GSTZ1: variants seen among roughly 807,000 people sequenced by gnomAD.
GSTZ1 encodes glutathione S-transferase zeta 1.
Under a neutral mutation model 35.9 loss-of-function variants are expected in GSTZ1, and 34 were observed. The ratio of observed to expected loss-of-function variants is 0.95; its 90% CI spans 0.72 to 1.26. The LOEUF (loss-of-function observed/expected upper bound fraction) is 1.26, where lower values mean the gene tolerates loss of function less well. Among genes scored for constraint, GSTZ1 ranks in the 50% most tolerant of loss-of-function variants. GSTZ1 has a pLI of 0.00. For synonymous variants in GSTZ1, 93 were observed against 101.2 expected (o/e 0.92, Z 0.49); for missense variants, 263 against 271.7 (o/e 0.97, Z 0.23).
chr14:77,324,639 C>T, intron 1 of GSTZ1: 2 of 1,518,796 alleles, frequency 1.3e-6, no homozygotes, highest in Non-Finnish European at 8.8e-7. Flanking sequence ...AAGGCACTCT[C>T]AGGCTAGCTG....
At chr14:77,324,152 CTTTT>C (rs11287763) in intron 1 of GSTZ1, 37 of 117,918 alleles carry the variant, frequency 3.1e-4, no homozygotes, top group East Asian at 7.0e-4. Flanking sequence ...AAAAAAATGC[CTTTT>C]TTTTTTTTTT....
chr14:77,328,071 C>A, intron 5 of GSTZ1, 34 bp downstream of exon 5: 1 of 1,610,262 alleles, frequency 6.2e-7, no homozygotes, highest in Non-Finnish European at 8.5e-7. Context: ...CCTTGCACAC[C>A]TGACACACTC....
chr14:77,321,147 A>AG lies in GSTZ1; in HGVS notation c.-17dup, dbSNP rs768718016. ...GGCGCGAAGTTTCTCGGCCTGGAGG[A>AG]GGGGGTCGCGCGAAGTGCCAGATGC... On this transcript the variant is annotated 5_prime_UTR_variant, in exon 1 of 9. Transcript: ENST00000216465. 6.9e-6 allele frequency: 10 copies of AG among 1,452,996 alleles called. No individual in the cohort carries two copies. In the South Asian group the frequency reaches 1.1e-4, roughly 17 times the overall value. 90.0% of individuals were successfully genotyped at this position (1,452,996 alleles called of 1,614,324 possible).
intron 5 of GSTZ1, chr14:77,328,451 T>A (rs960498870): frequency 3.5e-5 from 7 of 197,612 alleles, no homozygotes; most frequent in African/African-American, 1.6e-4. Flanking sequence ...CAACTAAGTA[T>A]TAAAAACAGT....
intron 8 of GSTZ1, 144 bp from the exon 9 acceptor site, chr14:77,330,923 CCT>C: frequency 1.5e-6 from 1 of 686,576 alleles, no homozygotes; most frequent in East Asian, 2.5e-5. Flanking sequence ...CTACCCATCC[CCT>C]GTGAATAAGG....
intron 2 of GSTZ1, chr14:77,326,483 G>A (rs535011773): frequency 9.5e-6 from 2 of 210,276 alleles, no homozygotes; most frequent in South Asian, 1.1e-4. Flanking sequence ...AGGCCCTGGG[G>A]GGGCAGAGTT....
chr14:77,330,390 C>T (rs755958371), intron 8 of GSTZ1, 31 bp downstream of exon 8: 10 of 1,568,004 alleles, frequency 6.4e-6, no homozygotes, highest in African/African-American at 4.1e-5. Context: ...CCTCCCTTCT[C>T]GTGGCTCTGC....
At position 77,331,149 on chromosome 14, in the gene GSTZ1, C is replaced by G. The variant is rs1892609207; in HGVS notation, c.605C>G (p.Ser202Cys). ...RLLVLEAFQV[S>C]HPCRQPDTPT... is the part of the protein sequence containing the mutation. ...CTGGTCTTGGAGGCCTTCCAGGTGTCTCACCCCTGCCGGCAGCCAGATACA... is the reference window on the plus strand; with the variant it reads ...CTGGTCTTGGAGGCCTTCCAGGTGTGTCACCCCTGCCGGCAGCCAGATACA... The change falls in exon 9 of 9, where the codon TCT (serine) becomes TGT (cysteine). Residue 202 changes from serine to cysteine, a missense_variant. Ser to Cys is a moderately radical substitution (Grantham distance 112). Coordinates refer to ENST00000216465, the MANE Select transcript of GSTZ1 (RefSeq NM_145870.3). 6.2e-7 allele frequency: 1 copy of G among 1,614,144 alleles called. No homozygotes were observed. Among genetic ancestry groups the G allele is most frequent in the Non-Finnish European group, 8.5e-7 (1 of 1,179,994 alleles).
intron 1 of GSTZ1, 121 bp downstream of exon 1, chr14:77,321,304 T>G (rs1443346081): frequency 6.5e-7 from 1 of 1,529,002 alleles, no homozygotes; most frequent in Admixed American, 2.0e-5. Flanking sequence ...CATGCAGTGC[T>G]TTGCGCCGGG....
chr14:77,328,553 G>C (rs1476021889), intron 5 of GSTZ1: 1 of 172,078 alleles, frequency 5.8e-6, no homozygotes, highest in East Asian at 1.7e-4. Context: ...AACAAAGTGG[G>C]GACTAAGTCA....
Position 77,330,350 on chromosome 14 carries a change from A to G in GSTZ1, c.515A>G (p.Asn172Ser). Reference protein sequence around the residue: ...ADLCLVPQVANAERFKVDLTP... With the variant: ...ADLCLVPQVASAERFKVDLTP... ...CTGTGCTTGGTGCCTCAGGTGGCAA[A>G]TGCTGAAAGGTAAGAGAGAGCCCCG... is the stretch of plus-strand genomic sequence containing the variant. Residue 172 changes from asparagine to serine, a missense_variant, in exon 8 of 9, where the codon AAT (asparagine) becomes AGT (serine). By Grantham distance (46) the Asn-to-Ser change is conservative (BLOSUM62 1). Transcript: ENST00000216465. 6.2e-7 allele frequency: 1 copy of G among 1,613,352 alleles called. No individual in the cohort carries two copies. The highest frequency in any genetic ancestry group is 1.7e-4 in the Middle Eastern group (1 of 6,060).
chr14:77,321,309 G>T (rs749376625), intron 1 of GSTZ1, 126 bp downstream of exon 1: 1 of 1,528,568 alleles, frequency 6.5e-7, no homozygotes, highest in Admixed American at 2.0e-5. Flanking sequence ...AGTGCTTTGC[G>T]CCGGGCACGC....
At chr14:77,322,317 G>A (rs1276515134) in intron 1 of GSTZ1, among the ~76,000 whole-genome samples, 2 of 152,228 alleles carry the variant, frequency 1.3e-5, no homozygotes, top group Non-Finnish European at 2.9e-5. Context: ...TTCTACAAGT[G>A]CAGAAAGGAA....
chr14:77,327,319 TC>T, intron 3 of GSTZ1, 152 bp from the exon 4 acceptor site: 1 of 635,656 alleles, frequency 1.6e-6, no homozygotes, highest in Non-Finnish European at 2.9e-6. Flanking sequence ...ACTGCATGGA[TC>T]CCCCAGGGAT....
chr14:77,325,300 G>T, intron 2 of GSTZ1: 1 of 259,626 alleles, frequency 3.9e-6, no homozygotes, highest in East Asian at 9.0e-5. Context: ...AACAGAACGG[G>T]CCAGCATCAG....
intron 1 of GSTZ1, among the ~76,000 whole-genome samples, chr14:77,322,289 C>T (rs1042488554): frequency 4.6e-5 from 7 of 152,116 alleles, no homozygotes; most frequent in Non-Finnish European, 8.8e-5. Context: ...GAGATGGATA[C>T]TTGGGCTTAA....
rs1419597785 is a variant in GSTZ1, at chr14:77,327,924, G to A, written c.229G>A (p.Glu77Lys). Reference protein sequence around the residue: ...ITIHQSLAIIEYLEEMRPTPR... With the variant: ...ITIHQSLAIIKYLEEMRPTPR... ...CCCCTCTGGACAGCTGGCCATCATT[G>A]AGTATCTAGAGGAGATGCGTCCCAC... is the stretch of plus-strand genomic sequence containing the variant. The change falls in exon 5 of 9, where the codon GAG becomes AAG. Residue 77 changes from glutamate to lysine, a missense_variant. Transcript: ENST00000216465. The A allele has an allele frequency of 1.9e-6, 3 of 1,613,856 alleles. No individual in the cohort carries two copies. The highest frequency in any genetic ancestry group is 2.2e-5 in the East Asian group (1 of 44,876).
In GSTZ1 at chr14:77,331,225, C is replaced by G. The variant is rs545108364; in HGVS notation, c.*30C>G. ...CAAATCCTGCCCCGTTGGCACAGGG[C>G]CACAGGAGCAGAAGCTGGGTGGGCT... On this transcript the variant is annotated 3_prime_UTR_variant, in exon 9 of 9. Coordinates refer to ENST00000216465, the MANE Select transcript of GSTZ1 (RefSeq NM_145870.3). The G allele has an allele frequency of 1.2e-5, 19 of 1,596,144 alleles. No homozygotes were observed. The African/African-American group carries it at 2.3e-4, about 19-fold the overall frequency.
intron 3 of GSTZ1, 38 bp downstream of exon 3, chr14:77,326,943 G>T: frequency 6.9e-7 from 1 of 1,447,884 alleles, no homozygotes. Flanking sequence ...GTGGGAATTG[G>T]AGGCCTTGAA....
Sources: allele counts gnomAD v4.1 joint callset (sites outside exome capture counted in the v4.1 genomes callset), GRCh38; gene constraint gnomAD v4.1.1; transcripts MANE v1.5; gene names NCBI Gene and HGNC (gene_info 2026-07-23, HGNC 2026-07-21).